CPNE8: variants seen among roughly 807,000 people sequenced by gnomAD.
CPNE8 encodes copine-8.
A neutral mutation model predicts 81.5 loss-of-function variants in CPNE8; 45 were observed. That is an observed-to-expected ratio of 0.55 (90% CI 0.44 to 0.71). The LOEUF is 0.71. Among genes scored for constraint, CPNE8 ranks in the 30% least tolerant of loss-of-function variants. The probability of loss-of-function intolerance (pLI) is 0.00; values close to 1 mark genes in which losing one functional copy is unlikely to be tolerated. For missense variants in CPNE8, 594 were observed against 672.1 expected, an observed-to-expected ratio of 0.88 and a Z score of 1.28; for synonymous variants, 252 against 226.3, an observed-to-expected ratio of 1.11 and a Z score of -1.02.
intron 4 of CPNE8, among the ~76,000 whole-genome samples, chr12:38,844,879 TC>T (rs1199748644): frequency 4.6e-5 from 7 of 152,158 alleles, no homozygotes; most frequent in Non-Finnish European, 8.8e-5. Context: ...CCAAAACAAT[TC>T]TGAAAACCAT....
chr12:38,780,385 A>G (rs868359668), intron 6 of CPNE8, among the ~76,000 whole-genome samples: 1 of 152,116 alleles, frequency 6.6e-6, no homozygotes, highest in African/African-American at 2.4e-5. Flanking sequence ...ATGTTTAATC[A>G]GAGTTCCAGT....
At chr12:38,814,512 G>A (rs1235088863) in intron 6 of CPNE8, among the ~76,000 whole-genome samples, 3 of 151,606 alleles carry the variant, frequency 2.0e-5, no homozygotes, top group African/African-American at 7.3e-5. Context: ...TAATAGAAAC[G>A]GGGTTTCACC....
intron 1 of CPNE8, among the ~76,000 whole-genome samples, chr12:38,900,683 C>T (rs762592326): frequency 1.3e-5 from 2 of 152,076 alleles, no homozygotes; most frequent in Non-Finnish European, 2.9e-5. Flanking sequence ...CTAGGATGAA[C>T]GCTCACACTT....
At chr12:38,898,380 A>G (rs1197569990) in intron 1 of CPNE8, among the ~76,000 whole-genome samples, 2 of 152,180 alleles carry the variant, frequency 1.3e-5, no homozygotes, top group Non-Finnish European at 2.9e-5. Context: ...TTCCCAGGAC[A>G]AATTTTACTG....
intron 18 of CPNE8, among the ~76,000 whole-genome samples, chr12:38,675,478 C>G (rs2136648194): frequency 6.6e-6 from 1 of 152,226 alleles, no homozygotes; most frequent in African/African-American, 2.4e-5. Context: ...TTGAAATAAT[C>G]TATAAACTAG....
chr12:38,697,332 T>C (rs912337077), intron 14 of CPNE8, among the ~76,000 whole-genome samples: 1 of 152,218 alleles, frequency 6.6e-6, no homozygotes, highest in Non-Finnish European at 1.5e-5. Context: ...ATCTATCTTA[T>C]AGCCTGCATG....
intron 15 of CPNE8, among the ~76,000 whole-genome samples, chr12:38,688,918 A>G (rs1014464766): frequency 2.6e-5 from 4 of 152,162 alleles, no homozygotes; most frequent in African/African-American, 7.2e-5. Context: ...GAACTTATCC[A>G]TGTAATCAAA....
chr12:38,860,332 T>C (rs993032349), intron 3 of CPNE8, among the ~76,000 whole-genome samples: 4 of 135,960 alleles, frequency 2.9e-5, no homozygotes, highest in African/African-American at 1.1e-4. Context: ...TGGAGAACTG[T>C]AAATTCACAC....
intron 13 of CPNE8, among the ~76,000 whole-genome samples, chr12:38,714,696 G>T (rs994444501): frequency 2.0e-5 from 3 of 151,778 alleles, no homozygotes; most frequent in Admixed American, 6.6e-5. Context: ...AATTGGATTT[G>T]GGTTGATTTA....
intron 6 of CPNE8, among the ~76,000 whole-genome samples, chr12:38,809,503 C>T (rs368553383): frequency 7.9e-5 from 12 of 152,172 alleles, no homozygotes; most frequent in African/African-American, 2.7e-4. Flanking sequence ...ATTTTAGTTA[C>T]ATCTGCAAAG....
intron 7 of CPNE8, among the ~76,000 whole-genome samples, 163 bp downstream of exon 7, chr12:38,776,075 C>A (rs1190819456): frequency 6.6e-6 from 1 of 152,048 alleles, no homozygotes; most frequent in Non-Finnish European, 1.5e-5. Context: ...GAAATACAGT[C>A]TCTCTGGTCA....
chr12:38,889,353 G>A (rs1454939485), intron 1 of CPNE8, among the ~76,000 whole-genome samples: 1 of 152,190 alleles, frequency 6.6e-6, no homozygotes, highest in African/African-American at 2.4e-5. Flanking sequence ...TGAACTATCG[G>A]CAGAGTCCAT....
chr12:38,822,576 T>C (rs1320723843), intron 6 of CPNE8, among the ~76,000 whole-genome samples: 1 of 152,146 alleles, frequency 6.6e-6, no homozygotes, highest in Non-Finnish European at 1.5e-5. Flanking sequence ...CTTAAATGAG[T>C]GTTATTCAGA....
intron 10 of CPNE8, among the ~76,000 whole-genome samples, chr12:38,758,509 AAGAC>A (rs1339669530): frequency 1.3e-5 from 2 of 152,162 alleles, no homozygotes; most frequent in Non-Finnish European, 2.9e-5. Context: ...TGCTATAAAA[AAGAC>A]AGTGCAATAG....
intron 10 of CPNE8, among the ~76,000 whole-genome samples, chr12:38,737,894 C>A (rs1418640280): frequency 6.6e-6 from 1 of 152,116 alleles, no homozygotes; most frequent in Admixed American, 6.6e-5. Context: ...CAAAAGTTGG[C>A]AAGTTGCACT....
intron 6 of CPNE8, among the ~76,000 whole-genome samples, chr12:38,807,157 G>A (rs887393531): frequency 3.3e-5 from 5 of 151,660 alleles, no homozygotes; most frequent in Non-Finnish European, 7.4e-5. Flanking sequence ...AATCAATATC[G>A]TGAAAATGGC....
At chr12:38,728,322 A>G (rs1012194999) in intron 11 of CPNE8, among the ~76,000 whole-genome samples, 8 of 152,090 alleles carry the variant, frequency 5.3e-5, no homozygotes, top group African/African-American at 1.9e-4. Context: ...AAAGAAGGAA[A>G]TCATGCGTAA....
chr12:38,896,711 C>T (rs1466186475), intron 1 of CPNE8, among the ~76,000 whole-genome samples: 1 of 152,082 alleles, frequency 6.6e-6, no homozygotes, highest in Admixed American at 6.6e-5. Flanking sequence ...ACTGAGTGTG[C>T]ATTTACAAAT....
chr12:38,711,040 C>A (rs539217355), intron 13 of CPNE8, among the ~76,000 whole-genome samples: 1 of 152,202 alleles, frequency 6.6e-6, no homozygotes, highest in African/African-American at 2.4e-5. Flanking sequence ...AATAATTTCA[C>A]AGAAATAGAT....
Sources: allele counts gnomAD v4.1 joint callset (sites outside exome capture counted in the v4.1 genomes callset), GRCh38; gene constraint gnomAD v4.1.1; transcripts MANE v1.5; gene names NCBI Gene and HGNC (gene_info 2026-07-23, HGNC 2026-07-21).